The following NHSL1 variants were observed in gnomAD, a reference collection of about 807,000 sequenced individuals.
The protein encoded by NHSL1 is NHS-like protein 1.
NHSL1 carries 48 observed loss-of-function variants against 95.0 expected under a neutral mutation model. That is an observed-to-expected ratio of 0.51 (90% confidence interval 0.40 to 0.64). The LOEUF is 0.64. NHSL1 is among the 30% of genes least tolerant of loss of function. The pLI is 0.00. For synonymous variants in NHSL1, 783 were observed against 833.9 expected (o/e 0.94, Z 1.05); for missense variants, 1,971 against 2,077.7 (o/e 0.95, Z 1.00).
rs1394862406 is a variant in NHSL1 at position 138,433,177 on chromosome 6, A to G, written c.1168T>C (p.Phe390Leu). 6.4e-7 allele frequency: 1 copy of G among 1,551,254 alleles called. No individual in the cohort carries two copies. Among genetic ancestry groups the G allele is most frequent in the Non-Finnish European group, 8.7e-7 (1 of 1,146,742 alleles). Reference protein sequence around the residue: ...LRPKSQELRHFESENIMSPAC... With the variant: ...LRPKSQELRHLESENIMSPAC... ...GGGCTCATTATATTTTCACTCTCGA[A>G]GTGTCTCAACTCCTGGGATTTGGGT... Residue 390 changes from phenylalanine to leucine, a missense_variant, in exon 6 of 8, where the codon TTC (phenylalanine) becomes CTC (leucine). This residue lies in a region of NHSL1 where 1,602 missense variants were observed against 1,654.5 expected (regional missense o/e 0.97). Transcript: ENST00000343505.
intron 1 of NHSL1, among the ~76,000 whole-genome samples, chr6:138,515,980 C>G (rs1338768554): frequency 6.6e-6 from 1 of 152,244 alleles, no homozygotes; most frequent in Non-Finnish European, 1.5e-5. Flanking sequence ...CAGTGCACCA[C>G]AATGAGAGGC....
At chr6:138,593,965 G>A (rs1274714344) in intron 1 of NHSL1, among the ~76,000 whole-genome samples, 1 of 152,210 alleles carries the variant, frequency 6.6e-6, no homozygotes, top group African/African-American at 2.4e-5. Context: ...TCAGTTGTAG[G>A]TATAGGAGCA....
At chr6:138,616,536 G>C (rs1167775544) in intron 1 of NHSL1, among the ~76,000 whole-genome samples, 1 of 152,046 alleles carries the variant, frequency 6.6e-6, no homozygotes, top group African/African-American at 2.4e-5. Flanking sequence ...GAGACAGAGA[G>C]AGAGAGAGAG....
intron 5 of NHSL1, among the ~76,000 whole-genome samples, chr6:138,440,429 T>A (rs1009610420): frequency 6.6e-6 from 1 of 152,176 alleles, no homozygotes; most frequent in East Asian, 1.9e-4. Context: ...AGCAGCAGCA[T>A]GTGGGGCACG....
intron 1 of NHSL1, among the ~76,000 whole-genome samples, chr6:138,633,670 A>G (rs1784851874): frequency 6.6e-6 from 1 of 152,232 alleles, no homozygotes; most frequent in Non-Finnish European, 1.5e-5. Flanking sequence ...ATTCTACAAG[A>G]AATGCTAAAG....
intron 1 of NHSL1, among the ~76,000 whole-genome samples, chr6:138,538,475 C>G (rs535410909): frequency 3.0e-4 from 46 of 152,196 alleles, no homozygotes; most frequent in Non-Finnish European, 5.4e-4. Context: ...CTCTGGGCAT[C>G]TGCCAGGCTC....
chr6:138,627,770 A>G (rs1259671324), intron 1 of NHSL1, among the ~76,000 whole-genome samples: 4 of 152,034 alleles, frequency 2.6e-5, no homozygotes, highest in Non-Finnish European at 5.9e-5. Flanking sequence ...AATCCCAGCT[A>G]CTCAGGAGGC....
Position 138,432,632 on chromosome 6 carries a change from T to C in NHSL1, c.1713A>G (p.Ala571=). 6.4e-7 allele frequency: 1 copy of C among 1,551,752 alleles called. No homozygotes were observed. Among genetic ancestry groups the C allele is most frequent in the South Asian group, 1.2e-5 (1 of 84,054 alleles). The part of the protein sequence containing the change: ...GRASPLKPHL[A]TPGYSTPTSN... ...TTGTGGGAGTGGAATAGCCAGGAGT[T>C]GCTAAATGCGGCTTCAGGGGGGATG... The change falls in exon 6 of 8, where the codon GCA becomes GCG. Residue 571 remains alanine, a synonymous_variant. Coordinates refer to ENST00000343505, the MANE Select transcript of NHSL1 (RefSeq NM_001144060.2). This position sits in a 1 kb window ranked among gnomAD's most constrained non-coding sequence, Gnocchi z 4.4.
upstream of NHSL1, among the ~76,000 whole-genome samples, chr6:138,573,580 T>A (rs921808463): frequency 6.6e-6 from 1 of 152,148 alleles, no homozygotes; most frequent in Non-Finnish European, 1.5e-5. Context: ...TAGAAGATAG[T>A]CAGAAGTTCT....
intron 3 of NHSL1, chr6:138,470,623 A>G (rs1433579576): frequency 6.6e-6 from 1 of 152,184 alleles, no homozygotes; most frequent in Non-Finnish European, 1.5e-5. Flanking sequence ...CAAAAGTAAC[A>G]AAAATTTTAT....
chr6:138,426,578 C>T (rs566054229), intron 7 of NHSL1, among the ~76,000 whole-genome samples: 3 of 152,312 alleles, frequency 2.0e-5, no homozygotes, highest in African/African-American at 7.2e-5. Flanking sequence ...GCTTAACAAA[C>T]CTTTGAATGT....
chr6:138,510,546 T>C (rs1355771873), intron 1 of NHSL1, among the ~76,000 whole-genome samples: 2 of 152,168 alleles, frequency 1.3e-5, no homozygotes, highest in African/African-American at 2.4e-5. Flanking sequence ...CAGGTTCTTA[T>C]GAAGCATGAG....
At chr6:138,539,129 T>C (rs557484005) in intron 1 of NHSL1, among the ~76,000 whole-genome samples, 5 of 152,252 alleles carry the variant, frequency 3.3e-5, no homozygotes, top group Admixed American at 3.3e-4. Context: ...TTAAATCAAA[T>C]AGTTTGTCAT....
chr6:138,559,197 G>A (rs1252316098), intron 1 of NHSL1, among the ~76,000 whole-genome samples: 1 of 152,226 alleles, frequency 6.6e-6, no homozygotes, highest in Non-Finnish European at 1.5e-5. Flanking sequence ...TTCCCCTATG[G>A]GGGATGGACA....
At chr6:138,664,798 G>A (rs1785273627) in intron 1 of NHSL1, among the ~76,000 whole-genome samples, 1 of 152,216 alleles carries the variant, frequency 6.6e-6, no homozygotes, top group Non-Finnish European at 1.5e-5. Flanking sequence ...CTGCAAAGCA[G>A]GCCAGCAGGC....
chr6:138,424,044 T>TCCC lies in NHSL1; in HGVS notation c.*34_*36dup, dbSNP rs775469897. 1 of 1,345,690 alleles carries TCCC rather than the reference T, an allele frequency of 7.4e-7. No individual in the cohort carries two copies. The highest frequency in any genetic ancestry group is 9.5e-7 in the Non-Finnish European group (1 of 1,051,808). 83.4% of individuals were successfully genotyped at this position (1,345,690 alleles called of 1,614,324 possible). On this transcript the variant is annotated 3_prime_UTR_variant, in exon 8 of 8. Transcript: ENST00000343505. This position sits in a 1 kb window ranked among gnomAD's most constrained non-coding sequence, Gnocchi z 5.9. ...TTCCTAGAGTGCTGCATTGCTCGTC[T>TCCC]CCCCCCGTGTCACCTGGGAGAGTTA...
chr6:138,422,629 G>A lies in NHSL1; in HGVS notation c.*1452C>T, dbSNP rs1774990023. On this transcript the variant is annotated 3_prime_UTR_variant, in exon 8 of 8. Transcript: ENST00000343505. ...AATAAAGGAGTCTAAGTACATGGAA[G>A]TTAAGGGAGTAAGGGTGGGGGTAAT... 2 of 152,166 alleles carry A rather than the reference G, an allele frequency of 1.3e-5. No homozygotes were observed. The highest frequency in any genetic ancestry group is 4.1e-4 in the South Asian group (2 of 4,826). 9.4% of individuals were successfully genotyped at this position (152,166 alleles called of 1,614,324 possible).
At chr6:138,483,649 T>G (rs1387004889) in intron 2 of NHSL1, among the ~76,000 whole-genome samples, 4 of 152,156 alleles carry the variant, frequency 2.6e-5, no homozygotes, top group Non-Finnish European at 4.4e-5. Context: ...CCTGTCTCCT[T>G]TACTGTGAAC....
intron 1 of NHSL1, among the ~76,000 whole-genome samples, chr6:138,520,129 C>T (rs1781616947): frequency 6.6e-6 from 1 of 151,948 alleles, no homozygotes; most frequent in Non-Finnish European, 1.5e-5. Flanking sequence ...TAAGGCAAAA[C>T]AGATTGTTTT....
Sources: gnomAD v4.1 joint callset for allele counts (sites outside exome capture counted in the v4.1 genomes callset) on GRCh38, gnomAD v4.1.1 for gene constraint, gnomAD v4.1.1 regional missense constraint, Gnocchi (gnomAD v3.1) non-coding constraint, MANE v1.5 for transcripts, NCBI Gene and HGNC (gene_info 2026-07-23, HGNC 2026-07-21) for gene names.